Variants in CGNL1 observed in about 807,000 individuals in gnomAD.
CGNL1 encodes the protein cingulin-like protein 1.
Under a neutral mutation model 141.2 loss-of-function variants are expected in CGNL1, and 132 were observed. That is an observed-to-expected ratio of 0.93 (90% CI 0.81 to 1.08). The LOEUF (loss-of-function observed/expected upper bound fraction) is 1.08. Ranked by LOEUF, CGNL1 falls within the 50% of genes least tolerant of loss-of-function variation. The pLI is 0.00. For synonymous variants in CGNL1, 690 were observed against 622.1 expected (o/e 1.11, Z -1.63); for missense variants, 1,870 against 1,588.6 (o/e 1.18, Z -3.01).
intron 14 of CGNL1, among the ~76,000 whole-genome samples, chr15:57,540,482 C>T (rs1272120437): frequency 6.6e-6 from 1 of 152,236 alleles, no homozygotes; most frequent in Non-Finnish European, 1.5e-5. Flanking sequence ...ATTCAGTTAC[C>T]TCCCACTGGG....
chr15:57,475,054 C>G (rs1326755643), intron 8 of CGNL1, among the ~76,000 whole-genome samples: 3 of 152,222 alleles, frequency 2.0e-5, no homozygotes, highest in Non-Finnish European at 4.4e-5. Flanking sequence ...TCAGTTCCAT[C>G]CTCTGACCTC....
intron 7 of CGNL1, among the ~76,000 whole-genome samples, chr15:57,458,888 T>A (rs1253111564): frequency 2.6e-5 from 4 of 152,226 alleles, no homozygotes; most frequent in African/African-American, 9.6e-5. Flanking sequence ...CTTCTGAGCT[T>A]GTCAATGCCT....
At chr15:57,396,480 C>A (rs2062604205) in intron 1 of CGNL1, among the ~76,000 whole-genome samples, 1 of 151,962 alleles carries the variant, frequency 6.6e-6, no homozygotes, top group African/African-American at 2.4e-5. Flanking sequence ...GCCATGTTGG[C>A]CAGGCTGGTC....
intron 11 of CGNL1, among the ~76,000 whole-genome samples, chr15:57,523,904 T>C (rs2031438526): frequency 6.6e-6 from 1 of 152,226 alleles, no homozygotes. Flanking sequence ...TGTGTGTCAG[T>C]GCAGATGGAA....
chr15:57,378,895 G>C (rs1416593777), intron 1 of CGNL1, among the ~76,000 whole-genome samples: 6 of 152,188 alleles, frequency 3.9e-5, no homozygotes, highest in Non-Finnish European at 8.8e-5. Flanking sequence ...ACTTGCTGGA[G>C]GTGTGCACCC....
intron 1 of CGNL1, among the ~76,000 whole-genome samples, chr15:57,435,477 A>G (rs567412322): frequency 1.9e-4 from 29 of 149,096 alleles, no homozygotes; most frequent in Admixed American, 5.4e-4. Flanking sequence ...TGAAGAATGT[A>G]GGTTTTCACT....
At chr15:57,503,193 T>C (rs1025290552) in intron 8 of CGNL1, among the ~76,000 whole-genome samples, 2 of 152,142 alleles carry the variant, frequency 1.3e-5, no homozygotes, top group Non-Finnish European at 2.9e-5. Context: ...CTCCAGATCC[T>C]CAATAGTTAG....
At chr15:57,435,407 G>GTTTTTT (rs1249529527) in intron 1 of CGNL1, among the ~76,000 whole-genome samples, 10 of 96,864 alleles carry the variant, frequency 1.0e-4, no homozygotes, top group Non-Finnish European at 1.2e-4. Context: ...AAATTTGCAG[G>GTTTTTT]TTTTTTTGTT....
intron 1 of CGNL1, among the ~76,000 whole-genome samples, chr15:57,389,629 A>G (rs1483534301): frequency 1.3e-5 from 2 of 152,164 alleles, no homozygotes; most frequent in African/African-American, 2.4e-5. Flanking sequence ...TGCCTTATGT[A>G]TAGGAGTGCT....
intron 8 of CGNL1, among the ~76,000 whole-genome samples, chr15:57,500,264 G>A (rs1388138922): frequency 3.9e-5 from 6 of 152,178 alleles, no homozygotes; most frequent in African/African-American, 9.7e-5. Flanking sequence ...AGACCCTTGC[G>A]GCCCGTGGGT....
chr15:57,397,822 G>A (rs1237387688), intron 1 of CGNL1, among the ~76,000 whole-genome samples: 2 of 149,184 alleles, frequency 1.3e-5, no homozygotes, highest in African/African-American at 2.5e-5. Context: ...TCTCTCTGTC[G>A]CCCATGCTGG....
At chr15:57,491,290 G>C (rs58253526) in intron 8 of CGNL1, among the ~76,000 whole-genome samples, 19,507 of 151,986 alleles carry the variant, frequency 0.13, 1,875 homozygotes, top group East Asian at 0.46. Context: ...ATAATTTTTC[G>C]TTTAGAAAAA....
intron 7 of CGNL1, among the ~76,000 whole-genome samples, chr15:57,458,724 A>T (rs2063409752): frequency 2.0e-5 from 3 of 151,890 alleles, no homozygotes; most frequent in South Asian, 2.1e-4. Context: ...TTCAGGAGAG[A>T]CTCTGATCTT....
Position 57,510,556 on chromosome 15 carries a change from C to T in CGNL1, c.2404-6224C>T, listed in dbSNP as rs141285220. Among the ~76,000 whole-genome samples, 1,037 of 152,304 alleles carry T rather than the reference C, an allele frequency of 6.8e-3. 6 individuals are homozygous for T. Among genetic ancestry groups the T allele is most frequent in the Non-Finnish European group, 0.011 (777 of 68,038 alleles). ...TGGCAAAGTCACAGGGGAAAAGTGACACCACTTCCTGGAATACCAAGAACA... is the reference window on the plus strand; with the variant it reads ...TGGCAAAGTCACAGGGGAAAAGTGATACCACTTCCTGGAATACCAAGAACA... On this transcript the variant is annotated intron_variant, in intron 8 of 18. Coordinates refer to ENST00000281282, the MANE Select transcript of CGNL1 (RefSeq NM_032866.5).
At chr15:57,421,188 A>G (rs1331501555) in intron 1 of CGNL1, among the ~76,000 whole-genome samples, 1 of 152,240 alleles carries the variant, frequency 6.6e-6, no homozygotes, top group Non-Finnish European at 1.5e-5. Context: ...AGCCAGGAAG[A>G]GAGCCCTCAC....
intron 1 of CGNL1, among the ~76,000 whole-genome samples, chr15:57,437,629 A>T (rs1157140254): frequency 1.4e-5 from 1 of 73,086 alleles, no homozygotes; most frequent in Non-Finnish European, 3.0e-5. Context: ...CAAAAAAAAA[A>T]AAAAAAAAAA....
chr15:57,502,400 A>T (rs2064038007), intron 8 of CGNL1, among the ~76,000 whole-genome samples: 1 of 152,156 alleles, frequency 6.6e-6, no homozygotes, highest in Admixed American at 6.5e-5. Context: ...ATGGCTGCTT[A>T]TCTTCCACAG....
chr15:57,384,435 C>T (rs1226285662), intron 1 of CGNL1, among the ~76,000 whole-genome samples: 1 of 152,312 alleles, frequency 6.6e-6, no homozygotes, highest in African/African-American at 2.4e-5. Flanking sequence ...AATTGGGTAA[C>T]TTGTCAAAGT....
Position 57,436,772 on chromosome 15 carries a change from T to A in CGNL1, c.-15-1213T>A, listed in dbSNP as rs145150867. On this transcript the variant is annotated intron_variant, in intron 1 of 18. Coordinates refer to ENST00000281282, the MANE Select transcript of CGNL1 (RefSeq NM_032866.5). ...ATGCTTGATAAATCCAGGAGCTAGTTCTTTAGGGAAACAATTTAAAAAAAT... is the reference window on the plus strand; with the variant it reads ...ATGCTTGATAAATCCAGGAGCTAGTACTTTAGGGAAACAATTTAAAAAAAT... Among the ~76,000 whole-genome samples, 612 of 152,234 alleles carry A rather than the reference T, an allele frequency of 4.0e-3. 5 individuals are homozygous for A. The highest frequency in any genetic ancestry group is 0.014 in the African/African-American group (578 of 41,550).
Sources: gnomAD v4.1 joint callset for allele counts (sites outside exome capture counted in the v4.1 genomes callset) on GRCh38, gnomAD v4.1.1 for gene constraint, MANE v1.5 for transcripts, NCBI Gene and HGNC (gene_info 2026-07-23, HGNC 2026-07-21) for gene names.